The following CNTNAP5 variants were observed in gnomAD, a reference collection of about 807,000 sequenced individuals.
CNTNAP5 encodes the protein contactin-associated protein-like 5.
A neutral mutation model predicts 150.2 loss-of-function variants in CNTNAP5; 72 were observed. The observed-to-expected ratio is 0.48, with a 90% CI of 0.40 to 0.58. The LOEUF is 0.58. Ranked by LOEUF, CNTNAP5 falls within the 20% of genes least tolerant of loss-of-function variation. The pLI is 0.00. For synonymous variants in CNTNAP5, 672 were observed against 619.8 expected (o/e 1.08, Z -1.25); for missense variants, 1,636 against 1,626.2 (o/e 1.01, Z -0.10).
intron 5 of CNTNAP5, among the ~76,000 whole-genome samples, chr2:124,443,646 A>G (rs1395813156): frequency 1.3e-5 from 2 of 152,156 alleles, no homozygotes; most frequent in African/African-American, 4.8e-5. Context: ...AGTTTGACTG[A>G]TTCATAATAT....
intron 1 of CNTNAP5, among the ~76,000 whole-genome samples, chr2:124,087,407 T>C (rs1682716413): frequency 1.3e-5 from 2 of 151,890 alleles, no homozygotes; most frequent in South Asian, 4.1e-4. Context: ...TCTGAGGTTT[T>C]TAAAATTCCC....
At chr2:124,149,882 T>C (rs1164133080) in intron 1 of CNTNAP5, among the ~76,000 whole-genome samples, 1 of 152,216 alleles carries the variant, frequency 6.6e-6, no homozygotes, top group African/African-American at 2.4e-5. Context: ...AGCAGGTTCT[T>C]CACCCTCTCA....
chr2:124,603,761 GTAGA>G (rs1012178568), intron 11 of CNTNAP5, among the ~76,000 whole-genome samples: 42 of 152,126 alleles, frequency 2.8e-4, no homozygotes, highest in African/African-American at 8.7e-4. Flanking sequence ...TGCTACGTAG[GTAGA>G]TAGATAGATA....
intron 13 of CNTNAP5, among the ~76,000 whole-genome samples, chr2:124,707,689 A>C (rs910196272): frequency 6.6e-6 from 1 of 152,152 alleles, no homozygotes; most frequent in African/African-American, 2.4e-5. Flanking sequence ...GGCTCAACCC[A>C]TGACATCTAA....
intron 14 of CNTNAP5, among the ~76,000 whole-genome samples, chr2:124,750,869 A>G (rs916174814): frequency 7.9e-5 from 12 of 151,510 alleles, no homozygotes; most frequent in African/African-American, 2.9e-4. Context: ...CTGTAGTTTC[A>G]GCTACTCAGG....
intron 1 of CNTNAP5, among the ~76,000 whole-genome samples, chr2:124,152,211 A>G (rs17010934): frequency 0.09 from 13,632 of 152,258 alleles, 860 homozygotes; most frequent in East Asian, 0.37. Context: ...TTCCTGTCTA[A>G]GTACCTTACC....
chr2:124,412,836 C>T lies in CNTNAP5; in HGVS notation c.382-4607C>T, dbSNP rs1383440412. On this transcript the variant is annotated intron_variant, in intron 3 of 23. Coordinates refer to ENST00000682447, the MANE Select transcript of CNTNAP5 (RefSeq NM_001367498.1). ...TAGGCATGGGCAAGGACTTCATGTC[C>T]AAAACACCAAAAGCAATGGCAACAA... 1.4e-3 allele frequency among the ~76,000 whole-genome samples: 137 copies of T among 96,952 alleles called. 1 individual carries two copies. Among genetic ancestry groups the T allele is most frequent in the African/African-American group, 5.3e-3 (125 of 23,718 alleles). 63.6% of individuals were successfully genotyped at this position (96,952 alleles called of 152,430 possible).
chr2:124,456,845 G>T (rs1693130346), intron 6 of CNTNAP5, among the ~76,000 whole-genome samples: 2 of 152,160 alleles, frequency 1.3e-5, no homozygotes, highest in Non-Finnish European at 2.9e-5. Flanking sequence ...AATGGTGCTG[G>T]ATATTTGGCA....
intron 8 of CNTNAP5, 28 bp downstream of exon 8, chr2:124,504,584 C>T (rs777229553): frequency 6.2e-7 from 1 of 1,605,914 alleles, no homozygotes; most frequent in Non-Finnish European, 8.5e-7. Context: ...TCTGGATCAG[C>T]TTCTTGTTTA....
At chr2:124,797,612 A>G (rs1169104561) in intron 18 of CNTNAP5, among the ~76,000 whole-genome samples, 4 of 152,166 alleles carry the variant, frequency 2.6e-5, no homozygotes, top group Admixed American at 6.6e-5. Flanking sequence ...GCTCACCCCA[A>G]TGTCTTGCTC....
At chr2:124,720,563 G>A (rs996543371) in intron 13 of CNTNAP5, among the ~76,000 whole-genome samples, 1 of 152,032 alleles carries the variant, frequency 6.6e-6, no homozygotes, top group African/African-American at 2.4e-5. Context: ...TTTTAAATTT[G>A]ATTTTAAATT....
chr2:124,291,072 A>G (rs1434633559), intron 3 of CNTNAP5, among the ~76,000 whole-genome samples: 1 of 152,084 alleles, frequency 6.6e-6, no homozygotes, highest in Non-Finnish European at 1.5e-5. Context: ...ATCATTTTGA[A>G]TGTGATAATC....
intron 3 of CNTNAP5, among the ~76,000 whole-genome samples, chr2:124,284,705 G>A (rs1688102634): frequency 6.6e-6 from 1 of 152,118 alleles, no homozygotes; most frequent in Admixed American, 6.6e-5. Context: ...GGTCTTAATA[G>A]AGACTAAACT....
chr2:124,371,021 CTGTT>C (rs779794592), intron 3 of CNTNAP5, among the ~76,000 whole-genome samples: 57 of 151,972 alleles, frequency 3.8e-4, no homozygotes, highest in Non-Finnish European at 5.9e-4. Flanking sequence ...TTAGCGGAGA[CTGTT>C]TGTGCAGAAT....
At chr2:124,424,460 A>G (rs1030414308) in intron 4 of CNTNAP5, among the ~76,000 whole-genome samples, 1 of 152,194 alleles carries the variant, frequency 6.6e-6, no homozygotes, top group Non-Finnish European at 1.5e-5. Context: ...TAAGAGTTGG[A>G]AAAATCTCCA....
At chr2:124,646,695 C>T (rs1678208538) in intron 12 of CNTNAP5, among the ~76,000 whole-genome samples, 1 of 152,162 alleles carries the variant, frequency 6.6e-6, no homozygotes, top group South Asian at 2.1e-4. Flanking sequence ...CCAGATAGAG[C>T]CTTGCAACTT....
chr2:124,434,861 A>G (rs1482851652), intron 5 of CNTNAP5, among the ~76,000 whole-genome samples, 174 bp downstream of exon 5: 1 of 152,238 alleles, frequency 6.6e-6, no homozygotes, highest in African/African-American at 2.4e-5. Flanking sequence ...ACACCATATA[A>G]TATTGACATG....
Position 124,397,404 on chromosome 2 carries a change from C to A in CNTNAP5, c.382-20039C>A, listed in dbSNP as rs566296927. Among the ~76,000 whole-genome samples the A allele has an allele frequency of 3.3e-5, 5 of 152,198 alleles. No individual in the cohort carries two copies. In the East Asian group the frequency reaches 9.7e-4, roughly 29 times the overall value. On this transcript the variant is annotated intron_variant, in intron 3 of 23. Transcript: ENST00000682447. ...ATTGCCTCCTCATATTAGGGAAAGC[C>A]AAGATAGGGAGGGCTAGTTCTTTTT...
At chr2:124,184,214 A>T (rs1685275095) in intron 1 of CNTNAP5, among the ~76,000 whole-genome samples, 1 of 152,134 alleles carries the variant, frequency 6.6e-6, no homozygotes, top group Non-Finnish European at 1.5e-5. Context: ...TTATAGGAAC[A>T]TTGGATTCGT....
Sources: allele counts gnomAD v4.1 joint callset (sites outside exome capture counted in the v4.1 genomes callset), GRCh38; gene constraint gnomAD v4.1.1; transcripts MANE v1.5; gene names NCBI Gene and HGNC (gene_info 2026-07-23, HGNC 2026-07-21).